CFHR4: variants seen among roughly 807,000 people sequenced by gnomAD.
The protein encoded by CFHR4 is complement factor H related 4.
A neutral mutation model predicts 69.3 loss-of-function variants in CFHR4; 64 were observed. That is an observed-to-expected ratio of 0.92 (90% CI 0.76 to 1.14). CFHR4 has a LOEUF of 1.14. Ranked by LOEUF, CFHR4 falls within the 50% of genes most tolerant of loss-of-function variation. The probability of loss-of-function intolerance (pLI) is 0.00; values close to 1 mark genes in which losing one functional copy is unlikely to be tolerated. For missense variants in CFHR4, 636 were observed against 684.9 expected, an observed-to-expected ratio of 0.93 and a Z score of 0.80; for synonymous variants, 244 against 237.0, an observed-to-expected ratio of 1.03 and a Z score of -0.27.
intron 1 of CFHR4, among the ~76,000 whole-genome samples, chr1:196,889,896 G>T (rs1483856549): frequency 6.6e-6 from 1 of 151,380 alleles, no homozygotes; most frequent in Non-Finnish European, 1.5e-5. Context: ...GACCACGTAA[G>T]GCATAGAGAG....
In CFHR4 at chr1:196,911,503, A is replaced by C. The variant is rs181158448; in HGVS notation, c.997+1025A>C. Among the ~76,000 whole-genome samples, 886 of 151,588 alleles carry C rather than the reference A, an allele frequency of 5.8e-3. 48 individuals carry two copies. Among genetic ancestry groups the C allele is most frequent in the African/African-American group, 0.021 (855 of 41,094 alleles). On this transcript the variant is annotated intron_variant, in intron 6 of 9. Transcript: ENST00000608469. ...TATGTCATATCTATTTTTATAGTTA[A>C]TGCTCTGTTGCTTTAAATTAAGGCT...
chr1:196,888,323 C>T, intron 1 of CFHR4, 115 bp downstream of exon 1: 6 of 982,986 alleles, frequency 6.1e-6, no homozygotes, highest in Non-Finnish European at 7.8e-6. Flanking sequence ...ATTCACTATG[C>T]TAGCAGAAGT....
intron 1 of CFHR4, among the ~76,000 whole-genome samples, chr1:196,896,622 G>A (rs1258176021): frequency 6.6e-6 from 1 of 151,646 alleles, no homozygotes; most frequent in African/African-American, 2.4e-5. Context: ...TGCCTGCCAT[G>A]TGGCTAAGGA....
At chr1:196,900,609 G>C (rs1657552817) in intron 1 of CFHR4, among the ~76,000 whole-genome samples, 1 of 151,154 alleles carries the variant, frequency 6.6e-6, no homozygotes, top group African/African-American at 2.4e-5. Context: ...AATTTTAATT[G>C]AGTTTTTTAA....
chr1:196,903,162 C>T (rs1027187678), intron 2 of CFHR4, among the ~76,000 whole-genome samples: 1 of 151,284 alleles, frequency 6.6e-6, no homozygotes, highest in Non-Finnish European at 1.5e-5. Flanking sequence ...ATTTGAGATC[C>T]CAGTATGTCC....
chr1:196,903,040 T>C (rs1657707643), intron 2 of CFHR4, among the ~76,000 whole-genome samples: 1 of 151,384 alleles, frequency 6.6e-6, no homozygotes, highest in Admixed American at 6.6e-5. Context: ...TTATGGTCCT[T>C]AGGACAATGT....
chr1:196,895,249 TAATTA>T (rs941386279), intron 1 of CFHR4, among the ~76,000 whole-genome samples: 5 of 151,420 alleles, frequency 3.3e-5, no homozygotes, highest in African/African-American at 4.9e-5. Context: ...TTAAAAAACT[TAATTA>T]AATTAAAGTT....
chr1:196,907,035 A>G lies in CFHR4; in HGVS notation c.614A>G (p.Tyr205Cys), dbSNP rs758872040. Residue 205 changes from tyrosine to cysteine, a missense_variant and splice_region_variant, in exon 4 of 10, where the codon TAT (tyrosine) becomes TGT (cysteine). Around this residue, in one of 3 missense-constraint regions of CFHR4, gnomAD observed 529 missense variants for 533.2 expected, o/e 0.99. Transcript: ENST00000608469. ...EDGWSHLPTCYNSSENCGPPP... is the reference protein window; with the variant it reads ...EDGWSHLPTCCNSSENCGPPP... ...GGCTGGTCCCATTTGCCAACATGCTATAGTAAGTATTTTATTCAAGTATTT... is the reference window on the plus strand; with the variant it reads ...GGCTGGTCCCATTTGCCAACATGCTGTAGTAAGTATTTTATTCAAGTATTT... The G allele has an allele frequency of 1.4e-5, 23 of 1,606,010 alleles. 1 individual carries two copies. In the Admixed American group the frequency reaches 3.4e-4, roughly 24 times the overall value.
At chr1:196,888,655 A>T (rs977864077) in intron 1 of CFHR4, among the ~76,000 whole-genome samples, 8 of 151,360 alleles carry the variant, frequency 5.3e-5, no homozygotes, top group African/African-American at 1.7e-4. Flanking sequence ...AATATTTTAA[A>T]TTATGCCATT....
At position 196,918,336 on chromosome 1, in the gene CFHR4, C is replaced by G; in HGVS notation, c.1667C>G (p.Ala556Gly). Residue 556 changes from alanine to glycine, a missense_variant, in exon 10 of 10, where the codon GCG (alanine) becomes GGG (glycine). Ala to Gly is a moderately conservative substitution (Grantham distance 60, BLOSUM62 0). This residue lies in a region of CFHR4 where 85 missense variants were observed against 79.0 expected (regional missense o/e 1.08). Transcript: ENST00000608469. ...TTTATGTGTAAATTGGGATATAATG[C>G]GAATACATCAGTTCTATCATTTCAA... ...IEFMCKLGYN[A>G]NTSVLSFQAV... The G allele has an allele frequency of 3.7e-6, 6 of 1,611,768 alleles. No homozygotes were observed. The highest frequency in any genetic ancestry group is 5.1e-6 in the Non-Finnish European group (6 of 1,178,934).
chr1:196,907,113 T>C lies in CFHR4; in HGVS notation c.616+76T>C, dbSNP rs1032179541. On this transcript the variant is annotated intron_variant, in intron 4 of 9. Coordinates refer to ENST00000608469, the MANE Select transcript of CFHR4 (RefSeq NM_001201550.3). ...ACATACATATGTATATGTACACATA[T>C]GTGTATGAATACATATGTGTACATA... is the stretch of plus-strand genomic sequence containing the variant. 5 of 1,363,152 alleles carry C rather than the reference T, an allele frequency of 3.7e-6. 1 individual carries two copies. The African/African-American group carries it at 7.4e-5, about 20-fold the overall frequency. 84.4% of individuals were successfully genotyped at this position (1,363,152 alleles called of 1,614,324 possible).
rs1014614260 is a variant in CFHR4, at chr1:196,896,191, A to G, written c.59-6227A>G. On this transcript the variant is annotated intron_variant, in intron 1 of 9. Transcript: ENST00000608469. ...ATGGGAATCAGATTCTCCTCCTTCT[A>G]CATGTTTGTTGAGGGGCTTCCTGCA... is the stretch of plus-strand genomic sequence containing the variant. 4.8e-4 allele frequency among the ~76,000 whole-genome samples: 72 copies of G among 149,420 alleles called. 2 individuals carry two copies. Among genetic ancestry groups the G allele is most frequent in the Non-Finnish European group, 1.0e-4 (7 of 67,656 alleles).
At chr1:196,915,669 A>T (rs1658574744) in intron 9 of CFHR4, among the ~76,000 whole-genome samples, 2 of 151,320 alleles carry the variant, frequency 1.3e-5, no homozygotes, top group South Asian at 4.1e-4. Context: ...AAAATAAATA[A>T]ATAAAACAGA....
In CFHR4 at chr1:196,918,353, T is replaced by C; in HGVS notation, c.1684T>C (p.Ser562Pro). The change falls in exon 10 of 10, where the codon TCA becomes CCA. Residue 562 changes from serine (S) to proline (P), a missense_variant. By Grantham distance (74) the Ser-to-Pro change is moderately conservative. Coordinates refer to ENST00000608469, the MANE Select transcript of CFHR4 (RefSeq NM_001201550.3). ...ATATAATGCGAATACATCAGTTCTA[T>C]CATTTCAAGCAGTGTGTAGGGAAGG... ...LGYNANTSVL[S>P]FQAVCREGIV... is the part of the protein sequence containing the mutation. 6.2e-7 allele frequency: 1 copy of C among 1,612,340 alleles called. No homozygotes were observed. The highest frequency in any genetic ancestry group is 1.1e-5 in the South Asian group (1 of 91,034).
At chr1:196,902,376 A>G in intron 1 of CFHR4, 42 bp from the exon 2 acceptor site, 1 of 1,315,920 alleles carries the variant, frequency 7.6e-7, no homozygotes, top group Non-Finnish European at 1.1e-6. Context: ...TATCTGTTAT[A>G]GAAAAACATT....
At chr1:196,907,141 C>A in intron 4 of CFHR4, 104 bp downstream of exon 4, 5 of 1,209,446 alleles carry the variant, frequency 4.1e-6, no homozygotes, top group Non-Finnish European at 5.8e-6. Flanking sequence ...TGTACATATA[C>A]ATGTAGTCCT....
intron 9 of CFHR4, among the ~76,000 whole-genome samples, chr1:196,916,650 T>G (rs1321921152): frequency 1.3e-5 from 2 of 151,786 alleles, no homozygotes; most frequent in Non-Finnish European, 2.9e-5. Context: ...TACAAGTATC[T>G]TCAAACTTGA....
chr1:196,894,494 T>C (rs1156239205), intron 1 of CFHR4, among the ~76,000 whole-genome samples: 1 of 151,584 alleles, frequency 6.6e-6, no homozygotes, highest in Non-Finnish European at 1.5e-5. Flanking sequence ...GCAAGTCTAG[T>C]GGTCTCAAAC....
chr1:196,899,986 A>T (rs1431280459), intron 1 of CFHR4, among the ~76,000 whole-genome samples: 2 of 151,620 alleles, frequency 1.3e-5, no homozygotes, highest in Admixed American at 1.3e-4. Context: ...GCTACAGCAG[A>T]TGGTGACAGT....
Sources: gnomAD v4.1 joint callset for allele counts (sites outside exome capture counted in the v4.1 genomes callset) on GRCh38, gnomAD v4.1.1 for gene constraint, gnomAD v4.1.1 regional missense constraint, MANE v1.5 for transcripts, NCBI Gene and HGNC (gene_info 2026-07-23, HGNC 2026-07-21) for gene names.